Variants in AXDND1 observed in about 807,000 individuals in gnomAD.
The protein encoded by AXDND1 is axonemal dynein light chain domain-containing protein 1.
A neutral mutation model predicts 137.5 loss-of-function variants in AXDND1; 110 were observed. The ratio of observed to expected loss-of-function variants is 0.80; its 90% CI spans 0.69 to 0.94. The LOEUF is 0.94. Ranked by LOEUF, AXDND1 falls within the 40% of genes least tolerant of loss-of-function variation. The probability of loss-of-function intolerance (pLI) is 0.00; values close to 1 mark genes in which losing one functional copy is unlikely to be tolerated. For missense variants in AXDND1, 1,191 were observed against 1,169.8 expected (o/e 1.02, Z -0.26); for synonymous variants, 414 against 399.7 (o/e 1.04, Z -0.43).
intron 5 of AXDND1, 54 bp from the exon 6 acceptor site, chr1:179,379,343 T>A: frequency 6.4e-7 from 1 of 1,559,120 alleles, no homozygotes; most frequent in African/African-American, 1.4e-5. Flanking sequence ...TGCAAGTGAA[T>A]TTTTTCTCTA....
intron 25 of AXDND1, chr1:179,550,520 G>A (rs1673103039): frequency 6.6e-6 from 1 of 152,160 alleles, no homozygotes; most frequent in African/African-American, 2.4e-5. Context: ...ATTTAAAAAA[G>A]GAATCTCCAC....
At chr1:179,477,543 A>G (rs1664787700) in intron 17 of AXDND1, among the ~76,000 whole-genome samples, 2 of 152,138 alleles carry the variant, frequency 1.3e-5, no homozygotes, top group African/African-American at 4.8e-5. Flanking sequence ...ATTCACTACC[A>G]TGAGAACAGT....
intron 18 of AXDND1, among the ~76,000 whole-genome samples, chr1:179,490,762 GT>G (rs34944088): frequency 3.8e-4 from 55 of 146,650 alleles, no homozygotes; most frequent in South Asian, 2.4e-3. Context: ...CACAGTACTT[GT>G]TTTTTTTTTT....
intron 18 of AXDND1, among the ~76,000 whole-genome samples, chr1:179,488,014 A>AAGAG (rs1553291714): frequency 1.5e-5 from 2 of 130,222 alleles, no homozygotes; most frequent in South Asian, 2.3e-4. Flanking sequence ...AAAAAAAAAA[A>AAGAG]AGAGAAATTT....
intron 12 of AXDND1, among the ~76,000 whole-genome samples, chr1:179,427,392 G>A (rs970557698): frequency 1.3e-5 from 2 of 150,718 alleles, no homozygotes; most frequent in African/African-American, 4.9e-5. Flanking sequence ...TGACTGAATG[G>A]TAATTTTTGA....
intron 17 of AXDND1, among the ~76,000 whole-genome samples, chr1:179,472,879 A>G (rs983238871): frequency 6.6e-6 from 1 of 152,018 alleles, no homozygotes; most frequent in Non-Finnish European, 1.5e-5. Context: ...TTTTGCTTTT[A>G]ATGTATTTGT....
chr1:179,476,063 G>A (rs1025335562), intron 17 of AXDND1, among the ~76,000 whole-genome samples: 2 of 151,934 alleles, frequency 1.3e-5, no homozygotes, highest in Non-Finnish European at 2.9e-5. Flanking sequence ...TTCCCCTTAC[G>A]CCATGATTAT....
At chr1:179,444,718 C>A (rs1659480220) in intron 15 of AXDND1, among the ~76,000 whole-genome samples, 2 of 149,454 alleles carry the variant, frequency 1.3e-5, no homozygotes, top group Non-Finnish European at 1.5e-5. Flanking sequence ...TTTTTTTTAA[C>A]CACATAGGAT....
Position 179,411,285 on chromosome 1 carries a change from A to G in AXDND1, c.1230+19A>G. On this transcript the variant is annotated intron_variant, in intron 12 of 25. Coordinates refer to ENST00000367618, the MANE Select transcript of AXDND1 (RefSeq NM_144696.6). ...CCTGAAGGTTAGTTCATCTGGATTC[A>G]CAACTCACACTTCTTTTTTGGCTAA... The G allele has an allele frequency of 6.2e-7, 1 of 1,600,544 alleles. No homozygotes were observed. The highest frequency in any genetic ancestry group is 8.5e-7 in the Non-Finnish European group (1 of 1,176,796).
intron 20 of AXDND1, among the ~76,000 whole-genome samples, chr1:179,502,272 TAC>T (rs1328982817): frequency 3.9e-5 from 6 of 152,062 alleles, no homozygotes; most frequent in Admixed American, 3.9e-4. Flanking sequence ...TGGCAAAAAT[TAC>T]AAAGTCTAGG....
At chr1:179,522,251 T>C (rs1261383336) in intron 21 of AXDND1, among the ~76,000 whole-genome samples, 2 of 152,176 alleles carry the variant, frequency 1.3e-5, no homozygotes, top group Admixed American at 1.3e-4. Flanking sequence ...TGCCCTCCAA[T>C]TGAATTTCAT....
At chr1:179,488,632 C>CCT in intron 18 of AXDND1, among the ~76,000 whole-genome samples, 1 of 63,162 alleles carries the variant, frequency 1.6e-5, no homozygotes, top group African/African-American at 6.1e-5. Flanking sequence ...CTCTCTCTCT[C>CCT]TCCTTTCTTT....
At chr1:179,399,627 G>C (rs1439992191) in intron 11 of AXDND1, among the ~76,000 whole-genome samples, 1 of 152,208 alleles carries the variant, frequency 6.6e-6, no homozygotes, top group African/African-American at 2.4e-5. Context: ...ACAGTCAGCA[G>C]AGTAAACAGA....
intron 16 of AXDND1, among the ~76,000 whole-genome samples, chr1:179,465,392 G>C (rs1466986836): frequency 6.6e-6 from 1 of 152,236 alleles, no homozygotes; most frequent in Admixed American, 6.5e-5. Flanking sequence ...GTCCACTCCA[G>C]ACCCTGTTTG....
intron 15 of AXDND1, among the ~76,000 whole-genome samples, chr1:179,441,828 T>C (rs10913758): frequency 0.12 from 17,603 of 152,208 alleles, 1,211 homozygotes; most frequent in East Asian, 0.35. Flanking sequence ...CATGGTTCTG[T>C]CTAGCCTGGT....
At chr1:179,494,232 G>A (rs968084861) in intron 20 of AXDND1, among the ~76,000 whole-genome samples, 1 of 152,152 alleles carries the variant, frequency 6.6e-6, no homozygotes, top group East Asian at 1.9e-4. Context: ...GATTACAGGT[G>A]TGAGCCACTG....
At chr1:179,411,933 C>T (rs1416237557) in intron 12 of AXDND1, among the ~76,000 whole-genome samples, 1 of 151,872 alleles carries the variant, frequency 6.6e-6, no homozygotes, top group Non-Finnish European at 1.5e-5. Flanking sequence ...CTTACTGTAG[C>T]CTTGACCTCC....
rs1362743422 is a variant in AXDND1 at position 179,445,135 on chromosome 1, A to G, written c.1729A>G (p.Met577Val). 4 of 1,612,594 alleles carry G rather than the reference A, an allele frequency of 2.5e-6. No individual in the cohort carries two copies. The highest frequency in any genetic ancestry group is 1.3e-5 in the African/African-American group (1 of 74,924). ...GGAGATGCCATCAGAGCGACAGTACATGGAGGAAATTATCAAAAACATACA... is the reference window on the plus strand; with the variant it reads ...GGAGATGCCATCAGAGCGACAGTACGTGGAGGAAATTATCAAAAACATACA... ...EGEMPSERQY[M>V]EEIIKNIQKL... Residue 577 changes from methionine to valine, a missense_variant, in exon 16 of 26, where the codon ATG (methionine) becomes GTG (valine). By Grantham distance (21) the Met-to-Val change is conservative (BLOSUM62 1). Coordinates refer to ENST00000367618, the MANE Select transcript of AXDND1 (RefSeq NM_144696.6).
chr1:179,367,775 T>G (rs1558076014), intron 2 of AXDND1, among the ~76,000 whole-genome samples: 1 of 152,174 alleles, frequency 6.6e-6, no homozygotes, highest in African/African-American at 2.4e-5. Flanking sequence ...ATAGCAGAGA[T>G]AAGAGAAACT....
Sources: allele counts gnomAD v4.1 joint callset (sites outside exome capture counted in the v4.1 genomes callset), GRCh38; gene constraint gnomAD v4.1.1; transcripts MANE v1.5; gene names NCBI Gene and HGNC (gene_info 2026-07-23, HGNC 2026-07-21).